The following PDE4D variants were observed in gnomAD, a reference collection of about 807,000 sequenced individuals.
PDE4D encodes the protein phosphodiesterase 4D.
A neutral mutation model predicts 87.4 loss-of-function variants in PDE4D; 24 were observed. That is an observed-to-expected ratio of 0.27 (90% CI 0.20 to 0.39). The LOEUF (loss-of-function observed/expected upper bound fraction) is 0.39, where lower values mean the gene tolerates loss of function less well. PDE4D is among the 10% of genes least tolerant of loss of function. The pLI, the probability that PDE4D is intolerant of heterozygous loss-of-function variation, is 1.00. For missense variants in PDE4D, 714 were observed against 1,041.0 expected (o/e 0.69, Z 4.32); for synonymous variants, 384 against 383.2 (o/e 1.00, Z -0.02).
At chr5:59,368,610 A>G (rs113739712) in intron 1 of PDE4D, among the ~76,000 whole-genome samples, 3,876 of 152,306 alleles carry the variant, frequency 0.025, 187 homozygotes, top group African/African-American at 0.089. Flanking sequence ...CTCAGCAGGA[A>G]AAACCAAATT....
intron 1 of PDE4D, among the ~76,000 whole-genome samples, chr5:59,236,957 G>A (rs142392063): frequency 1.8e-3 from 274 of 152,156 alleles, no homozygotes; most frequent in South Asian, 5.2e-3. Context: ...TCTTTATCAC[G>A]GCACTTAGGT....
intron 1 of PDE4D, among the ~76,000 whole-genome samples, chr5:59,695,214 T>C (rs1242688342): frequency 6.7e-6 from 1 of 149,500 alleles, no homozygotes; most frequent in Non-Finnish European, 1.5e-5. Context: ...AAAAAAAATA[T>C]CGAGTCAAGG....
At chr5:59,461,901 A>G (rs1173758027) in intron 1 of PDE4D, among the ~76,000 whole-genome samples, 2 of 152,100 alleles carry the variant, frequency 1.3e-5, no homozygotes, top group Non-Finnish European at 2.9e-5. Flanking sequence ...GTCCATTTTA[A>G]TAGGTCTTAA....
At chr5:59,200,180 T>C (rs1466438081) in intron 2 of PDE4D, among the ~76,000 whole-genome samples, 7 of 72,748 alleles carry the variant, frequency 9.6e-5, no homozygotes, top group South Asian at 7.6e-4. Flanking sequence ...CGTGTATGTA[T>C]ATATGTATAC....
chr5:59,647,394 T>C (rs546308746), intron 1 of PDE4D, among the ~76,000 whole-genome samples: 2 of 152,134 alleles, frequency 1.3e-5, no homozygotes, highest in South Asian at 4.1e-4. Context: ...ATTTCCTATC[T>C]TTCTCTATAT....
chr5:59,286,197 T>A lies in PDE4D; in HGVS notation c.456-70229A>T, dbSNP rs571616927. On this transcript the variant is annotated intron_variant, in intron 1 of 14. Coordinates refer to ENST00000340635, the MANE Select transcript of PDE4D (RefSeq NM_001104631.2). ...TGGCTCCAGAAGAGAAATCTGAAGA[T>A]GACAGGATGAACTCCCATTTATTGA... 1.6e-4 allele frequency among the ~76,000 whole-genome samples: 24 copies of A among 152,282 alleles called. No homozygotes were observed. The South Asian group carries it at 5.0e-3, about 32-fold the overall frequency.
chr5:59,848,397 A>G lies in PDE4D; in HGVS notation c.455+44771T>C, dbSNP rs142079415. Among the ~76,000 whole-genome samples, 4 of 152,174 alleles carry G rather than the reference A, an allele frequency of 2.6e-5. 1 individual carries two copies. Among genetic ancestry groups the G allele is most frequent in the African/African-American group, 7.2e-5 (3 of 41,574 alleles). On this transcript the variant is annotated intron_variant, in intron 1 of 14. Coordinates refer to ENST00000340635, the MANE Select transcript of PDE4D (RefSeq NM_001104631.2). ...GCATTATCATTGCTAGTTGCATTAA[A>G]TCCATTATTTTTGGTGTGCCAATAT...
At chr5:59,106,628 C>G (rs1481239483) in intron 5 of PDE4D, among the ~76,000 whole-genome samples, 1 of 152,116 alleles carries the variant, frequency 6.6e-6, no homozygotes, top group Non-Finnish European at 1.5e-5. Context: ...GGCGTGGTGG[C>G]GCATGACTGT....
chr5:59,225,708 C>T (rs932067545), intron 1 of PDE4D, among the ~76,000 whole-genome samples: 1 of 151,914 alleles, frequency 6.6e-6, no homozygotes, highest in Non-Finnish European at 1.5e-5. Flanking sequence ...GAAAATACAA[C>T]CTACAGATTA....
At chr5:60,088,111 G>A (rs891466798) in intron 2 of PDE4D, among the ~76,000 whole-genome samples, 2 of 151,826 alleles carry the variant, frequency 1.3e-5, no homozygotes, top group African/African-American at 4.8e-5. Context: ...CAGTGCTGAA[G>A]GAAACAAATA....
intron 1 of PDE4D, among the ~76,000 whole-genome samples, chr5:59,809,441 T>C (rs981475717): frequency 1.2e-4 from 19 of 152,134 alleles, no homozygotes; most frequent in Admixed American, 1.0e-3. Context: ...AAAATACAAA[T>C]TTCCCAATAA....
At chr5:60,136,930 A>G (rs1284981428) in intron 2 of PDE4D, among the ~76,000 whole-genome samples, 1 of 152,054 alleles carries the variant, frequency 6.6e-6, no homozygotes, top group Admixed American at 6.6e-5. Context: ...CCCAGCATCC[A>G]TTGGCTATTC....
intron 2 of PDE4D, among the ~76,000 whole-genome samples, chr5:60,005,257 CT>C (rs1764364081): frequency 3.3e-5 from 5 of 152,046 alleles, no homozygotes; most frequent in Admixed American, 2.6e-4. Context: ...CATAGTTGAA[CT>C]CATAGGAACA....
chr5:59,008,905 G>A (rs772349446), intron 6 of PDE4D, among the ~76,000 whole-genome samples: 9 of 151,990 alleles, frequency 5.9e-5, no homozygotes, highest in Non-Finnish European at 8.8e-5. Flanking sequence ...TGAAAAGATG[G>A]TCAAAAGATT....
chr5:59,796,376 C>T (rs914887281), intron 1 of PDE4D, among the ~76,000 whole-genome samples: 2 of 152,238 alleles, frequency 1.3e-5, no homozygotes, highest in Non-Finnish European at 2.9e-5. Context: ...ATAAACAAGG[C>T]TTTGGTAACT....
intron 2 of PDE4D, among the ~76,000 whole-genome samples, chr5:60,035,271 G>A (rs1430761083): frequency 6.7e-6 from 1 of 149,630 alleles, no homozygotes; most frequent in African/African-American, 2.4e-5. Flanking sequence ...AAAAAAAAAA[G>A]GGCATACTTG....
chr5:60,449,252 T>C (rs1206685347), intron 1 of PDE4D, among the ~76,000 whole-genome samples: 1 of 151,994 alleles, frequency 6.6e-6, no homozygotes, highest in Non-Finnish European at 1.5e-5. Context: ...GCAAAGGTCC[T>C]ATAGGATGGC....
At chr5:60,327,100 G>C (rs1441938457) in intron 1 of PDE4D, among the ~76,000 whole-genome samples, 1 of 152,100 alleles carries the variant, frequency 6.6e-6, no homozygotes, top group African/African-American at 2.4e-5. Context: ...CTCTCTTAGA[G>C]TCCCAGGTAG....
At chr5:60,339,411 A>G (rs1291005873) in intron 1 of PDE4D, among the ~76,000 whole-genome samples, 1 of 152,130 alleles carries the variant, frequency 6.6e-6, no homozygotes, top group Non-Finnish European at 1.5e-5. Flanking sequence ...TGCTGGACAA[A>G]GGGATGCTAC....
Sources: allele counts gnomAD v4.1 joint callset (sites outside exome capture counted in the v4.1 genomes callset), GRCh38; gene constraint gnomAD v4.1.1; transcripts MANE v1.5; gene names NCBI Gene and HGNC (gene_info 2026-07-23, HGNC 2026-07-21).